The following LHFPL3 variants were observed in gnomAD, a reference collection of about 807,000 sequenced individuals.
LHFPL3 encodes LHFPL tetraspan subfamily member 3 protein.
LHFPL3 carries 5 observed loss-of-function variants against 19.3 expected under a neutral mutation model. The ratio of observed to expected loss-of-function variants is 0.26; its 90% confidence interval spans 0.14 to 0.54. LHFPL3 has a LOEUF of 0.54. Ranked by LOEUF, LHFPL3 falls within the 20% of genes least tolerant of loss-of-function variation. The probability of loss-of-function intolerance (pLI) is 0.94; values close to 1 mark genes in which losing one functional copy is unlikely to be tolerated. For missense variants in LHFPL3, 249 were observed against 307.4 expected (o/e 0.81, Z 1.42); for synonymous variants, 133 against 126.2 (o/e 1.05, Z -0.36).
Position 104,439,118 on chromosome 7 carries a change from T to C in LHFPL3, c.445+109894T>C, listed in dbSNP as rs75037090. Reference sequence around the variant, plus strand: ...ACAACAATTCCCTTACAGAACAAACTTGAGTTCTAGGCAGTTTCACTGGTG... The same window carrying C: ...ACAACAATTCCCTTACAGAACAAACCTGAGTTCTAGGCAGTTTCACTGGTG... On this transcript the variant is annotated intron_variant, in intron 1 of 2. Transcript: ENST00000424859. Among the ~76,000 whole-genome samples, 310 of 152,250 alleles carry C rather than the reference T, an allele frequency of 2.0e-3. 1 individual carries two copies. The highest frequency in any genetic ancestry group is 7.0e-3 in the African/African-American group (292 of 41,562).
intron 1 of LHFPL3, among the ~76,000 whole-genome samples, chr7:104,549,052 G>A (rs1266437324): frequency 6.6e-6 from 1 of 152,128 alleles, no homozygotes. Flanking sequence ...TGGAGAAAAG[G>A]GACCTCTACA....
chr7:104,842,668 A>G lies in LHFPL3; in HGVS notation c.683-63519A>G, dbSNP rs528820756. Among the ~76,000 whole-genome samples the G allele has an allele frequency of 4.6e-5, 7 of 152,324 alleles. No homozygotes were observed. The South Asian group carries it at 1.5e-3, about 32-fold the overall frequency. The stretch of plus-strand genomic sequence containing the variant: ...TTGTGGAACCAAATGCAAGTTGATA[A>G]TGCCAGATAATGATTCCAAAGCAAG... On this transcript the variant is annotated intron_variant, in intron 2 of 2. Transcript: ENST00000424859.
At chr7:104,393,794 C>T (rs1248405005) in intron 1 of LHFPL3, among the ~76,000 whole-genome samples, 1 of 152,068 alleles carries the variant, frequency 6.6e-6, no homozygotes, top group Non-Finnish European at 1.5e-5. Flanking sequence ...CTGCTGTGTG[C>T]TACAACATGA....
chr7:104,645,135 T>C (rs543069917), intron 1 of LHFPL3, among the ~76,000 whole-genome samples: 1 of 152,366 alleles, frequency 6.6e-6, no homozygotes, highest in East Asian at 1.9e-4. Context: ...GCTTATGCTT[T>C]GCTTATTTCA....
At chr7:104,534,384 G>T (rs2115854310) in intron 1 of LHFPL3, among the ~76,000 whole-genome samples, 1 of 152,320 alleles carries the variant, frequency 6.6e-6, no homozygotes. Context: ...TGGCACCCCA[G>T]TTCCACTGTG....
intron 1 of LHFPL3, among the ~76,000 whole-genome samples, chr7:104,385,491 C>G (rs1426157563): frequency 6.6e-6 from 1 of 152,154 alleles, no homozygotes; most frequent in African/African-American, 2.4e-5. Context: ...AAGCTGAAGG[C>G]TGGATTTGGC....
At chr7:104,820,393 G>A (rs1054002605) in intron 2 of LHFPL3, among the ~76,000 whole-genome samples, 1 of 152,174 alleles carries the variant, frequency 6.6e-6, no homozygotes, top group African/African-American at 2.4e-5. Flanking sequence ...AAAGAGATGT[G>A]AGCTGCATGC....
chr7:104,858,475 C>T (rs1173983023), intron 2 of LHFPL3, among the ~76,000 whole-genome samples: 1 of 152,208 alleles, frequency 6.6e-6, no homozygotes, highest in Non-Finnish European at 1.5e-5. Flanking sequence ...CCTCTAGCCT[C>T]TGCTGCCCAC....
At chr7:104,588,563 T>A (rs1274284097) in intron 1 of LHFPL3, among the ~76,000 whole-genome samples, 4 of 152,174 alleles carry the variant, frequency 2.6e-5, no homozygotes, top group East Asian at 1.9e-4. Context: ...TGCCTCCAGT[T>A]TTGTTCTTTT....
chr7:104,749,812 C>A (rs1794126822), intron 2 of LHFPL3, among the ~76,000 whole-genome samples: 2 of 152,172 alleles, frequency 1.3e-5, no homozygotes, highest in Non-Finnish European at 2.9e-5. Context: ...TTACCCACAC[C>A]AGTTTTTCTG....
intron 2 of LHFPL3, among the ~76,000 whole-genome samples, chr7:104,800,932 T>G (rs1790233306): frequency 6.6e-6 from 1 of 152,204 alleles, no homozygotes; most frequent in Non-Finnish European, 1.5e-5. Flanking sequence ...TTTATGAGGC[T>G]ACCAGCCTCA....
intron 1 of LHFPL3, among the ~76,000 whole-genome samples, chr7:104,417,933 A>G (rs904062141): frequency 1.7e-4 from 22 of 127,576 alleles, no homozygotes; most frequent in Non-Finnish European, 3.1e-4. Context: ...CCCAGTCTGG[A>G]GTGTAATGGT....
intron 1 of LHFPL3, among the ~76,000 whole-genome samples, chr7:104,452,269 A>C (rs1792454665): frequency 6.6e-6 from 1 of 152,218 alleles, no homozygotes. Flanking sequence ...GACATCATTT[A>C]AAATATCTGT....
rs538782272 is a variant in LHFPL3 at position 104,908,446 on chromosome 7, G to A, written c.*2231G>A. On this transcript the variant is annotated 3_prime_UTR_variant, in exon 3 of 3. Transcript: ENST00000424859. Reference sequence around the variant, plus strand: ...TTCTCATTCTGTTCTGTTGTATTGCGTCCAAAAGTTGTGTGTAATTTTTTT... The same window carrying A: ...TTCTCATTCTGTTCTGTTGTATTGCATCCAAAAGTTGTGTGTAATTTTTTT... Among the ~76,000 whole-genome samples, 17 of 151,408 alleles carry A rather than the reference G, an allele frequency of 1.1e-4. No individual in the cohort carries two copies. In the East Asian group the frequency reaches 1.9e-3, roughly 17 times the overall value.
intron 1 of LHFPL3, among the ~76,000 whole-genome samples, chr7:104,403,725 T>TTCTCTC (rs71786184): frequency 0.027 from 3,915 of 143,658 alleles, 187 homozygotes; most frequent in African/African-American, 0.095. Context: ...TTAGTGAACA[T>TTCTCTC]TCTCTCTCTC....
chr7:104,499,440 A>G (rs1793554375), intron 1 of LHFPL3, among the ~76,000 whole-genome samples: 1 of 152,234 alleles, frequency 6.6e-6, no homozygotes, highest in Non-Finnish European at 1.5e-5. Context: ...TTAAGGTTGC[A>G]ATGAAGCATG....
At chr7:104,799,075 A>G (rs972399452) in intron 2 of LHFPL3, among the ~76,000 whole-genome samples, 9 of 152,236 alleles carry the variant, frequency 5.9e-5, no homozygotes, top group African/African-American at 2.2e-4. Flanking sequence ...AGAGCAGAAT[A>G]CCTGTGTAAT....
chr7:104,675,023 C>T (rs907578733), intron 1 of LHFPL3, among the ~76,000 whole-genome samples: 1 of 152,124 alleles, frequency 6.6e-6, no homozygotes, highest in Non-Finnish European at 1.5e-5. Flanking sequence ...ATGGAGAAAA[C>T]GTTTTGATGC....
At chr7:104,822,540 T>C (rs1790695017) in intron 2 of LHFPL3, among the ~76,000 whole-genome samples, 1 of 152,268 alleles carries the variant, frequency 6.6e-6, no homozygotes, top group Middle Eastern at 3.4e-3. Flanking sequence ...TAGAAGCCAG[T>C]AGCACCACTC....
Sources: allele counts gnomAD v4.1 joint callset (sites outside exome capture counted in the v4.1 genomes callset), GRCh38; gene constraint gnomAD v4.1.1; transcripts MANE v1.5; gene names NCBI Gene and HGNC (gene_info 2026-07-23, HGNC 2026-07-21).